Variants in GSK3B observed in about 807,000 individuals in gnomAD.
GSK3B encodes the protein glycogen synthase kinase 3 beta, also known as glycogen synthase kinase-3 beta.
A neutral mutation model predicts 56.4 loss-of-function variants in GSK3B; 15 were observed. The observed-to-expected ratio is 0.27, with a 90% confidence interval of 0.18 to 0.41. GSK3B has a LOEUF of 0.41. Among genes scored for constraint, GSK3B ranks in the 10% least tolerant of loss-of-function variants. The probability of loss-of-function intolerance (pLI) is 1.00; values close to 1 mark genes in which losing one functional copy is unlikely to be tolerated. For missense variants in GSK3B, 300 were observed against 513.4 expected, an observed-to-expected ratio of 0.58 and a Z score of 4.02; for synonymous variants, 181 against 188.9, an observed-to-expected ratio of 0.96 and a Z score of 0.34.
At chr3:119,985,665 C>G (rs1202119075) in intron 2 of GSK3B, among the ~76,000 whole-genome samples, 1 of 152,154 alleles carries the variant, frequency 6.6e-6, no homozygotes, top group Admixed American at 6.5e-5. Context: ...CTACAAACCA[C>G]TGCTCAACGA....
At chr3:119,902,473 T>C (rs1032899367) in intron 7 of GSK3B, among the ~76,000 whole-genome samples, 1 of 152,308 alleles carries the variant, frequency 6.6e-6, no homozygotes, top group South Asian at 2.1e-4. Context: ...CTTGGCTTAC[T>C]GCAACATCTG....
chr3:120,062,842 G>A lies in GSK3B; in HGVS notation c.88+30505C>T, dbSNP rs112083576. 6.4e-3 allele frequency among the ~76,000 whole-genome samples: 970 copies of A among 152,096 alleles called. 12 individuals are homozygous for A. Among genetic ancestry groups the A allele is most frequent in the African/African-American group, 0.02 (829 of 41,496 alleles). On this transcript the variant is annotated intron_variant, in intron 1 of 10. Coordinates refer to ENST00000264235, the MANE Select transcript of GSK3B (RefSeq NM_001146156.2). Reference sequence around the variant, plus strand: ...AATAAAAGTTTTCTCAATTTCTTTCGAAACATAAGTTTGAGCCTACAGAGA... The same window carrying A: ...AATAAAAGTTTTCTCAATTTCTTTCAAAACATAAGTTTGAGCCTACAGAGA...
Position 119,905,734 on chromosome 3 carries a change from AT to A in GSK3B, c.813+20del. On this transcript the variant is annotated intron_variant, in intron 7 of 10. Transcript: ENST00000264235. ...CACAAAAATTCCTTCCAGTTCAAAT[AT>A]TCTGATTCAACCTTCTCACCTTGAT... The A allele has an allele frequency of 3.1e-6, 4 of 1,288,902 alleles. No homozygotes were observed. In the Admixed American group the frequency reaches 5.0e-5, roughly 16 times the overall value. The allele number at this position is 1,288,902 out of a possible 1,614,324, so 79.8% of individuals were successfully genotyped here.
At chr3:119,994,326 G>A (rs1306769218) in intron 2 of GSK3B, among the ~76,000 whole-genome samples, 3 of 152,150 alleles carry the variant, frequency 2.0e-5, no homozygotes, top group Non-Finnish European at 1.5e-5. Flanking sequence ...ATAATCCTTA[G>A]AGTAGAATCT....
At chr3:119,839,518 T>C (rs905685940) in intron 10 of GSK3B, among the ~76,000 whole-genome samples, 3 of 152,164 alleles carry the variant, frequency 2.0e-5, no homozygotes, top group African/African-American at 7.2e-5. Flanking sequence ...CTGATGATCT[T>C]GCTCTAGACA....
chr3:119,936,665 A>C (rs1418850330), intron 3 of GSK3B, among the ~76,000 whole-genome samples: 2 of 151,808 alleles, frequency 1.3e-5, no homozygotes, highest in Non-Finnish European at 2.9e-5. Flanking sequence ...TCGTATGTTG[A>C]TTAAAAAAAT....
intron 2 of GSK3B, among the ~76,000 whole-genome samples, chr3:119,988,068 A>T (rs1361735621): frequency 6.6e-6 from 1 of 152,174 alleles, no homozygotes; most frequent in Non-Finnish European, 1.5e-5. Context: ...TTTTATAATC[A>T]GCTATAAAGC....
rs1341421142 is a variant in GSK3B at position 120,094,263 on chromosome 3, C to T, written c.-829G>A. 1 of 225,348 alleles carries T rather than the reference C, an allele frequency of 4.4e-6. No homozygotes were observed. Among genetic ancestry groups the T allele is most frequent in the Non-Finnish European group, 8.9e-6 (1 of 112,170 alleles). 14.0% of individuals were successfully genotyped at this position (225,348 alleles called of 1,614,324 possible). On this transcript the variant is annotated 5_prime_UTR_variant, in exon 1 of 11. Coordinates refer to ENST00000264235, the MANE Select transcript of GSK3B (RefSeq NM_001146156.2). Reference sequence around the variant, plus strand: ...CGGCAACAGCTCGGCCGCCCTCCCGCCCCTCGGCTCTGCTCGGTGCCCGCT... The same window carrying T: ...CGGCAACAGCTCGGCCGCCCTCCCGTCCCTCGGCTCTGCTCGGTGCCCGCT...
intron 1 of GSK3B, among the ~76,000 whole-genome samples, chr3:120,022,286 T>A (rs962088205): frequency 2.6e-5 from 4 of 152,224 alleles, no homozygotes; most frequent in Non-Finnish European, 4.4e-5. Context: ...ATGTTTTAAC[T>A]AAGGCTGTTT....
intron 10 of GSK3B, among the ~76,000 whole-genome samples, chr3:119,834,077 C>G (rs2055649808): frequency 6.6e-6 from 1 of 152,094 alleles, no homozygotes; most frequent in Non-Finnish European, 1.5e-5. Context: ...TTACGTGTTT[C>G]TACTTATCAG....
chr3:119,966,132 A>C (rs1201463371), intron 2 of GSK3B, among the ~76,000 whole-genome samples: 1 of 152,220 alleles, frequency 6.6e-6, no homozygotes, highest in Non-Finnish European at 1.5e-5. Context: ...CACAACATCC[A>C]ATGTAGTCCT....
At chr3:119,987,088 A>T (rs1367536136) in intron 2 of GSK3B, among the ~76,000 whole-genome samples, 1 of 152,218 alleles carries the variant, frequency 6.6e-6, no homozygotes, top group East Asian at 1.9e-4. Flanking sequence ...CTAAAACCAA[A>T]GACCGCATGT....
At chr3:119,984,189 T>C (rs564796103) in intron 2 of GSK3B, among the ~76,000 whole-genome samples, 2 of 152,268 alleles carry the variant, frequency 1.3e-5, no homozygotes, top group South Asian at 2.1e-4. Flanking sequence ...CCAGAATCTC[T>C]GGAACACATT....
rs62266276 is a variant in GSK3B at position 120,074,022 on chromosome 3, T to C, written c.88+19325A>G. On this transcript the variant is annotated intron_variant, in intron 1 of 10. Transcript: ENST00000264235. Reference sequence around the variant, plus strand: ...TAGAAGCCTCAGAAATAAAAACAGTTGGCCAGGTGCCGCTGCTCACGACTG... The same window carrying C: ...TAGAAGCCTCAGAAATAAAAACAGTCGGCCAGGTGCCGCTGCTCACGACTG... Among the ~76,000 whole-genome samples, 1,352 of 152,266 alleles carry C rather than the reference T, an allele frequency of 8.9e-3. 11 individuals are homozygous for C. The highest frequency in any genetic ancestry group is 0.013 in the Non-Finnish European group (901 of 68,004).
chr3:119,981,234 G>C (rs1338699097), intron 2 of GSK3B, among the ~76,000 whole-genome samples: 1 of 152,228 alleles, frequency 6.6e-6, no homozygotes, highest in South Asian at 2.1e-4. Context: ...GCGTAGCCAA[G>C]ATGGCCGAAT....
chr3:119,987,104 C>T (rs1458533796), intron 2 of GSK3B, among the ~76,000 whole-genome samples: 15 of 152,198 alleles, frequency 9.9e-5, no homozygotes, highest in African/African-American at 3.1e-4. Context: ...CATGTTCTCA[C>T]TCACAGGTGG....
rs574933178 is a variant in GSK3B at position 119,949,881 on chromosome 3, A to G, written c.283-2530T>C. ...AGATCAAGAGTTTCGTTTTTTATCT[A>G]TTAAGTTTTTTTTAACCTATTAAGT... On this transcript the variant is annotated intron_variant, in intron 2 of 10. Transcript: ENST00000264235. Among the ~76,000 whole-genome samples, 5 of 151,426 alleles carry G rather than the reference A, an allele frequency of 3.3e-5. No homozygotes were observed. The South Asian group carries it at 1.0e-3, about 32-fold the overall frequency.
intron 2 of GSK3B, among the ~76,000 whole-genome samples, chr3:119,995,655 A>G (rs7645180): frequency 0.085 from 12,945 of 151,638 alleles, 687 homozygotes; most frequent in Non-Finnish European, 0.11. Context: ...GGATCTCCTC[A>G]CATCGTGATC....
At chr3:119,911,056 C>T (rs942893398) in intron 6 of GSK3B, among the ~76,000 whole-genome samples, 8 of 152,166 alleles carry the variant, frequency 5.3e-5, no homozygotes, top group African/African-American at 1.9e-4. Flanking sequence ...TCAACTTCTT[C>T]CAAAATGTTG....
Sources: allele counts gnomAD v4.1 joint callset (sites outside exome capture counted in the v4.1 genomes callset), GRCh38; gene constraint gnomAD v4.1.1; transcripts MANE v1.5; gene names NCBI Gene and HGNC (gene_info 2026-07-23, HGNC 2026-07-21).